CADPS2: variants seen among roughly 807,000 people sequenced by gnomAD.
CADPS2 encodes calcium-dependent secretion activator 2.
CADPS2 carries 93 observed loss-of-function variants against 172.5 expected under a neutral mutation model. That is an observed-to-expected ratio of 0.54 (90% CI 0.46 to 0.64). The LOEUF (loss-of-function observed/expected upper bound fraction) is 0.64. CADPS2 is among the 30% of genes least tolerant of loss of function. The pLI is 0.00. For missense variants in CADPS2, 1,420 were observed against 1,565.9 expected, an observed-to-expected ratio of 0.91 and a Z score of 1.57; for synonymous variants, 546 against 555.2, an observed-to-expected ratio of 0.98 and a Z score of 0.23.
At chr7:122,450,521 CTTTTTTTT>C (rs11422329) in intron 15 of CADPS2, among the ~76,000 whole-genome samples, 1 of 79,130 alleles carries the variant, frequency 1.3e-5, no homozygotes, top group African/African-American at 4.7e-5. Context: ...TATTGGTGGC[CTTTTTTTT>C]TTTTTTTTTT....
intron 25 of CADPS2, among the ~76,000 whole-genome samples, chr7:122,372,825 C>T (rs117345509): frequency 0.015 from 2,346 of 152,228 alleles, 33 homozygotes; most frequent in Non-Finnish European, 0.024. Context: ...TTCCCAGAGA[C>T]GTAGAATCAG....
intron 2 of CADPS2, among the ~76,000 whole-genome samples, chr7:122,715,795 G>GT (rs1314149401): frequency 6.6e-6 from 1 of 151,748 alleles, no homozygotes; most frequent in African/African-American, 2.4e-5. Context: ...TCTGCCCCTA[G>GT]TAAGGTACTA....
intron 1 of CADPS2, among the ~76,000 whole-genome samples, chr7:122,776,816 C>CA (rs1436115630): frequency 6.6e-6 from 1 of 152,136 alleles, no homozygotes; most frequent in Non-Finnish European, 1.5e-5. Context: ...TCTTGCTATA[C>CA]AAAGAGACTG....
chr7:122,566,345 A>G (rs2066469758), intron 7 of CADPS2, among the ~76,000 whole-genome samples: 1 of 152,158 alleles, frequency 6.6e-6, no homozygotes, highest in Admixed American at 6.6e-5. Flanking sequence ...CCATTTCAGA[A>G]AACAGTATGC....
At chr7:122,680,099 T>C (rs1218086536) in intron 2 of CADPS2, among the ~76,000 whole-genome samples, 1 of 152,250 alleles carries the variant, frequency 6.6e-6, no homozygotes. Context: ...AAGGCAGTTT[T>C]ATTGTTGTTG....
chr7:122,555,665 G>A (rs1490163360), intron 7 of CADPS2, among the ~76,000 whole-genome samples: 4 of 151,968 alleles, frequency 2.6e-5, no homozygotes, highest in South Asian at 4.1e-4. Flanking sequence ...AAATCTTGAG[G>A]CAACACAAAG....
chr7:122,726,311 A>T (rs1220243567), intron 2 of CADPS2, among the ~76,000 whole-genome samples: 4 of 152,086 alleles, frequency 2.6e-5, no homozygotes, highest in African/African-American at 9.7e-5. Flanking sequence ...CAAAACCAAT[A>T]GTGTACTAGG....
rs756515384 is a variant in CADPS2 at position 122,387,077 on chromosome 7, G to C, written c.3261C>G (p.Val1087=). 1 of 1,561,924 alleles carries C rather than the reference G, an allele frequency of 6.4e-7. No individual in the cohort carries two copies. Among genetic ancestry groups the C allele is most frequent in the South Asian group, 1.2e-5 (1 of 85,066 alleles). ...GTTTGGTGCTTTGCTTTTTGGCATC[G>C]ACTAATACATTAAACATAGTGCAAA... ...ASVCTMFNVL[V]DAKKQSTKLC... is the part of the protein sequence containing the mutation. The change falls in exon 24 of 30, where the codon GTC becomes GTG. Residue 1087 remains valine, a synonymous_variant. Coordinates refer to ENST00000449022, the MANE Select transcript of CADPS2 (RefSeq NM_017954.11).
intron 19 of CADPS2, chr7:122,413,085 G>C (rs552737864): frequency 6.6e-6 from 1 of 152,468 alleles, no homozygotes; most frequent in African/African-American, 2.4e-5. Context: ...CATCTGTGGT[G>C]AGTTGCTCAA....
intron 1 of CADPS2, among the ~76,000 whole-genome samples, chr7:122,809,123 A>C (rs1368405655): frequency 6.6e-6 from 1 of 152,112 alleles, no homozygotes; most frequent in Non-Finnish European, 1.5e-5. Flanking sequence ...CTGTATATAC[A>C]TTGTATAAAT....
At chr7:122,524,196 A>C (rs2061028448) in intron 8 of CADPS2, among the ~76,000 whole-genome samples, 1 of 152,224 alleles carries the variant, frequency 6.6e-6, no homozygotes, top group African/African-American at 2.4e-5. Context: ...TTGACTAATA[A>C]AAATACATTC....
chr7:122,757,429 C>T lies in CADPS2; in HGVS notation c.340-20361G>A, dbSNP rs953780044. Among the ~76,000 whole-genome samples the T allele has an allele frequency of 1.8e-4, 27 of 151,978 alleles. No individual in the cohort carries two copies. In the South Asian group the frequency reaches 5.4e-3, roughly 30 times the overall value. On this transcript the variant is annotated intron_variant, in intron 1 of 29. Transcript: ENST00000449022. Reference sequence around the variant, plus strand: ...ACCCAAAGTGCTGGGATTACAGGCACGAGCCACTGTGACCAGCCAGGAATG... The same window carrying T: ...ACCCAAAGTGCTGGGATTACAGGCATGAGCCACTGTGACCAGCCAGGAATG...
chr7:122,512,012 G>C (rs548707087), intron 9 of CADPS2, among the ~76,000 whole-genome samples: 2 of 152,040 alleles, frequency 1.3e-5, no homozygotes, highest in Admixed American at 1.3e-4. Context: ...AATTAAATCT[G>C]TGTGTGCACG....
At chr7:122,813,590 G>A (rs1800585761) in intron 1 of CADPS2, among the ~76,000 whole-genome samples, 3 of 152,148 alleles carry the variant, frequency 2.0e-5, no homozygotes, top group South Asian at 4.1e-4. Flanking sequence ...CTTAAAAGCA[G>A]AACTTTATTA....
chr7:122,434,281 G>A (rs1311362182), intron 17 of CADPS2, among the ~76,000 whole-genome samples: 2 of 151,494 alleles, frequency 1.3e-5, no homozygotes, highest in Non-Finnish European at 2.9e-5. Context: ...TCTCCTCTTC[G>A]TGGCTCTGAG....
chr7:122,341,939 T>C lies in CADPS2; in HGVS notation c.3612+3635A>G, dbSNP rs529166923. 4.6e-5 allele frequency among the ~76,000 whole-genome samples: 7 copies of C among 152,300 alleles called. No individual in the cohort carries two copies. The South Asian group carries it at 1.2e-3, about 27-fold the overall frequency. ...AACATCATGGACCTGCCATAACTTA[T>C]TTATACTTTTAAAAAGTTATTTCTG... On this transcript the variant is annotated intron_variant, in intron 28 of 29. Transcript: ENST00000449022.
chr7:122,762,054 ACACG>A (rs2093406353), intron 1 of CADPS2, among the ~76,000 whole-genome samples: 2 of 143,640 alleles, frequency 1.4e-5, no homozygotes, highest in South Asian at 4.4e-4. Flanking sequence ...ACACACACAC[ACACG>A]TATATTTATG....
Position 122,345,650 on chromosome 7 carries a change from A to G in CADPS2, c.3536T>C (p.Ile1179Thr), listed in dbSNP as rs762458379. 6.2e-7 allele frequency: 1 copy of G among 1,613,268 alleles called. No individual in the cohort carries two copies. Among genetic ancestry groups the G allele is most frequent in the Non-Finnish European group, 8.5e-7 (1 of 1,179,396 alleles). The change falls in exon 28 of 30, where the codon ATT (isoleucine) becomes ACT (threonine). Residue 1179 changes from isoleucine to threonine, a missense_variant. By Grantham distance (89) the Ile-to-Thr change is moderately conservative. Coordinates refer to ENST00000449022, the MANE Select transcript of CADPS2 (RefSeq NM_017954.11). ...KPGMDLADTY[I>T]MFVRQNQDIL... ...ATCTTGGTTTTGCCGAACAAACATAATATAGGTGTCTGCCAGATCCATTCC... is the reference window on the plus strand; with the variant it reads ...ATCTTGGTTTTGCCGAACAAACATAGTATAGGTGTCTGCCAGATCCATTCC...
In CADPS2 at chr7:122,644,123, C is replaced by G. The variant is rs1372148103; in HGVS notation, c.787-14795G>C. Among the ~76,000 whole-genome samples the G allele has an allele frequency of 7.9e-5, 12 of 151,412 alleles. No individual in the cohort carries two copies. The East Asian group carries it at 2.3e-3, about 29-fold the overall frequency. On this transcript the variant is annotated intron_variant, in intron 3 of 29. Coordinates refer to ENST00000449022, the MANE Select transcript of CADPS2 (RefSeq NM_017954.11). ...AGGAAGGAAGGAAGGAAGGAACAAA[C>G]GAAGGAAAAGAATATAAGACTATGA...
Sources: gnomAD v4.1 joint callset for allele counts (sites outside exome capture counted in the v4.1 genomes callset) on GRCh38, gnomAD v4.1.1 for gene constraint, MANE v1.5 for transcripts, NCBI Gene and HGNC (gene_info 2026-07-23, HGNC 2026-07-21) for gene names.